Variants in UBXN7 observed in about 807,000 individuals in gnomAD.
UBXN7 encodes UBX domain protein 7.
A neutral mutation model predicts 58.0 loss-of-function variants in UBXN7; 9 were observed. That is an observed-to-expected ratio of 0.16 (90% CI 0.09 to 0.27). The LOEUF (loss-of-function observed/expected upper bound fraction) is 0.27. Among genes scored for constraint, UBXN7 ranks in the 10% least tolerant of loss-of-function variants. The pLI is 1.00. For synonymous variants in UBXN7, 208 were observed against 205.0 expected (o/e 1.01, Z -0.12); for missense variants, 328 against 599.6 (o/e 0.55, Z 4.73).
intron 1 of UBXN7, among the ~76,000 whole-genome samples, chr3:196,412,237 A>G (rs1730353003): frequency 8.9e-6 from 1 of 112,926 alleles, no homozygotes; most frequent in Non-Finnish European, 1.9e-5. Flanking sequence ...TCTCAAAAAA[A>G]AAAAAAAAAA....
rs551865174 is a variant in UBXN7, at chr3:196,422,511, C to G, written c.73+9816G>C. Among the ~76,000 whole-genome samples, 7 of 151,750 alleles carry G rather than the reference C, an allele frequency of 4.6e-5. No homozygotes were observed. In the South Asian group the frequency reaches 1.3e-3, roughly 27 times the overall value. The stretch of plus-strand genomic sequence containing the variant: ...AAAAAAAAAAAGACAATTAAAAATA[C>G]CAAATGATGGAAAGAATGCAGAACA... On this transcript the variant is annotated intron_variant, in intron 1 of 10. Transcript: ENST00000296328.
chr3:196,371,196 C>A (rs914517781), intron 6 of UBXN7, among the ~76,000 whole-genome samples: 24 of 152,332 alleles, frequency 1.6e-4, no homozygotes, highest in African/African-American at 5.5e-4. Flanking sequence ...CTGTCTAATA[C>A]AGCAACCACT....
chr3:196,398,370 A>C (rs1729843225), intron 3 of UBXN7, among the ~76,000 whole-genome samples: 1 of 152,208 alleles, frequency 6.6e-6, no homozygotes, highest in African/African-American at 2.4e-5. Context: ...TAAATATCTA[A>C]TACAATTCAT....
chr3:196,382,796 C>G (rs2050989067), intron 5 of UBXN7, among the ~76,000 whole-genome samples: 1 of 152,106 alleles, frequency 6.6e-6, no homozygotes. Context: ...GGAGGAAGAT[C>G]TACCAAGCAA....
At chr3:196,423,526 A>G in intron 1 of UBXN7, 1 of 184,270 alleles carries the variant, frequency 5.4e-6, no homozygotes, top group Non-Finnish European at 1.1e-5. Flanking sequence ...AGCTGGCTTC[A>G]CTGTATCCTT....
intron 1 of UBXN7, among the ~76,000 whole-genome samples, chr3:196,416,860 G>A (rs533378325): frequency 2.6e-5 from 4 of 152,206 alleles, no homozygotes; most frequent in South Asian, 4.1e-4. Flanking sequence ...GATATACAGA[G>A]GAAAAGGGTG....
rs1483646380 is a variant in UBXN7, at chr3:196,407,306, C to A, written c.161G>T (p.Gly54Val). 3 of 1,614,106 alleles carry A rather than the reference C, an allele frequency of 1.9e-6. No homozygotes were observed. The highest frequency in any genetic ancestry group is 2.5e-6 in the Non-Finnish European group (3 of 1,180,038). The part of the protein sequence containing the change: ...MAVTMFLDGG[G>V]IAEEPSTSSA... ...ACTGGTACTGGGCTCTTCAGCGATTCCTCCACCATCCAAAAACATAGTGAC... is the reference window on the plus strand; with the variant it reads ...ACTGGTACTGGGCTCTTCAGCGATTACTCCACCATCCAAAAACATAGTGAC... The change falls in exon 2 of 11, where the codon GGA becomes GTA. Residue 54 changes from glycine (G) to valine (V), a missense_variant. Gly to Val is a moderately radical substitution (Grantham distance 109). Transcript: ENST00000296328.
At chr3:196,397,129 G>A (rs997849637) in intron 3 of UBXN7, among the ~76,000 whole-genome samples, 4 of 152,052 alleles carry the variant, frequency 2.6e-5, no homozygotes, top group African/African-American at 9.7e-5. Flanking sequence ...TTTCAATGTG[G>A]TCTCCTGGCT....
chr3:196,390,714 G>A (rs1338453293), intron 5 of UBXN7, among the ~76,000 whole-genome samples: 1 of 148,452 alleles, frequency 6.7e-6, no homozygotes, highest in African/African-American at 2.5e-5. Context: ...GCACTCCGGC[G>A]AGACTCCATC....
rs904989602 is a variant in UBXN7, at chr3:196,354,983, T to C, written c.*1702A>G. On this transcript the variant is annotated 3_prime_UTR_variant, in exon 11 of 11. Transcript: ENST00000296328. Reference sequence around the variant, plus strand: ...TTTTTCCATGATTTCCTTGAGGAGATATAAAACTCATTCTTTAGGGAGAGT... The same window carrying C: ...TTTTTCCATGATTTCCTTGAGGAGACATAAAACTCATTCTTTAGGGAGAGT... The C allele has an allele frequency of 6.6e-6, 1 of 152,126 alleles. No homozygotes were observed. Among genetic ancestry groups the C allele is most frequent in the Non-Finnish European group, 1.5e-5 (1 of 68,008 alleles). The allele number at this position is 152,126 out of a possible 1,614,324, so 9.4% of individuals were successfully genotyped here. A position where few individuals can be genotyped will look rare whatever the true frequency, so the allele number is the denominator to read the frequency against.
In UBXN7 at chr3:196,353,366, A is replaced by G. The variant is rs1249264589; in HGVS notation, c.*3319T>C. ...AAGTATCTGGTGCATGCCAATTAGT[A>G]TTAAGTTTCCTGTTCTTTTCTCATT... On this transcript the variant is annotated 3_prime_UTR_variant, in exon 11 of 11. Transcript: ENST00000296328. The G allele has an allele frequency of 2.0e-5, 3 of 152,180 alleles. No individual in the cohort carries two copies. The highest frequency in any genetic ancestry group is 4.4e-5 in the Non-Finnish European group (3 of 68,022). The allele number at this position is 152,180 out of a possible 1,614,324, so 9.4% of individuals were successfully genotyped here. A position where few individuals can be genotyped will look rare whatever the true frequency, so the allele number is the denominator to read the frequency against.
intron 5 of UBXN7, among the ~76,000 whole-genome samples, chr3:196,382,598 A>G (rs1729240461): frequency 6.6e-6 from 1 of 152,222 alleles, no homozygotes; most frequent in African/African-American, 2.4e-5. Flanking sequence ...CAAAATAACC[A>G]GCTAACATCA....
chr3:196,385,054 C>T (rs191990504), intron 5 of UBXN7, among the ~76,000 whole-genome samples: 2 of 152,238 alleles, frequency 1.3e-5, no homozygotes, highest in Non-Finnish European at 2.9e-5. Context: ...TGATGCTGAG[C>T]CGAGGCTGGA....
chr3:196,414,368 G>A (rs1020022877), intron 1 of UBXN7, among the ~76,000 whole-genome samples: 3 of 152,072 alleles, frequency 2.0e-5, no homozygotes, highest in Admixed American at 1.3e-4. Flanking sequence ...ATGTACCTTC[G>A]ACACAGCAAA....
chr3:196,423,952 A>G (rs1730768054), intron 1 of UBXN7, among the ~76,000 whole-genome samples: 1 of 149,170 alleles, frequency 6.7e-6, no homozygotes, highest in African/African-American at 2.5e-5. Flanking sequence ...TGCAGTGGCA[A>G]GATCTTGGCT....
chr3:196,380,814 G>A lies in UBXN7; in HGVS notation c.469-8772C>T, dbSNP rs560909274. ...TTTCCCAAGGTCTTAGCAACTGGCA[G>A]GCAAGGTGATTCTCTCTCGTACCTG... On this transcript the variant is annotated intron_variant, in intron 5 of 10. Transcript: ENST00000296328. Among the ~76,000 whole-genome samples, 192 of 152,372 alleles carry A rather than the reference G, an allele frequency of 1.3e-3. 1 individual carries two copies. Among genetic ancestry groups the A allele is most frequent in the African/African-American group, 4.2e-3 (173 of 41,592 alleles).
chr3:196,364,550 A>C (rs1421338144), intron 8 of UBXN7, among the ~76,000 whole-genome samples: 1 of 152,094 alleles, frequency 6.6e-6, no homozygotes, highest in Admixed American at 6.6e-5. Context: ...AAACTACTTC[A>C]ACTTTTGAAT....
At chr3:196,381,270 C>T (rs542535575) in intron 5 of UBXN7, among the ~76,000 whole-genome samples, 2 of 152,310 alleles carry the variant, frequency 1.3e-5, no homozygotes, top group Admixed American at 6.5e-5. Flanking sequence ...CCCTCTGGGA[C>T]GAAGCTTCCA....
intron 7 of UBXN7, 23 bp downstream of exon 7, chr3:196,369,398 C>T (rs541374608): frequency 7.8e-6 from 12 of 1,540,912 alleles, no homozygotes; most frequent in Non-Finnish European, 1.1e-5. Context: ...AGGTTAAAAG[C>T]TGCGTGCTGA....
Sources: allele counts gnomAD v4.1 joint callset (sites outside exome capture counted in the v4.1 genomes callset), GRCh38; gene constraint gnomAD v4.1.1; transcripts MANE v1.5; gene names NCBI Gene and HGNC (gene_info 2026-07-23, HGNC 2026-07-21).